DMXL2: variants seen among roughly 807,000 people sequenced by gnomAD.
DMXL2 encodes Dmx like 2.
A neutral mutation model predicts 331.1 loss-of-function variants in DMXL2; 103 were observed. The observed-to-expected ratio is 0.31, with a 90% CI of 0.27 to 0.37. DMXL2 has a LOEUF of 0.37. DMXL2 is among the 10% of genes least tolerant of loss of function. The pLI is 1.00. For synonymous variants in DMXL2, 1,281 were observed against 1,252.1 expected, an observed-to-expected ratio of 1.02 and a Z score of -0.49; for missense variants, 3,171 against 3,642.9, an observed-to-expected ratio of 0.87 and a Z score of 3.33.
intron 3 of DMXL2, among the ~76,000 whole-genome samples, chr15:51,566,144 G>A (rs979840429): frequency 6.6e-6 from 1 of 151,938 alleles, no homozygotes; most frequent in Non-Finnish European, 1.5e-5. Flanking sequence ...ATGAGTTTGA[G>A]GTTATAGTGA....
chr15:51,538,449 A>G lies in DMXL2; in HGVS notation c.1109T>C (p.Ile370Thr), dbSNP rs538061145. ...IAASINPATD[I>T]PNVLVGTAFN... Reference sequence around the variant, plus strand: ...TGCAGTGCCAACCAAGACATTTGGAATATCTGTGGAAATAAAAGAGATTTC... The same window carrying G: ...TGCAGTGCCAACCAAGACATTTGGAGTATCTGTGGAAATAAAAGAGATTTC... The change falls in exon 10 of 44, where the codon ATT (isoleucine) becomes ACT (threonine). Residue 370 changes from isoleucine to threonine, a missense_variant. Transcript: ENST00000560891. The G allele has an allele frequency of 3.2e-6, 5 of 1,582,968 alleles. No individual in the cohort carries two copies. Among genetic ancestry groups the G allele is most frequent in the East Asian group, 4.5e-5 (2 of 44,560 alleles).
At chr15:51,605,630 G>A (rs1455087758) in intron 1 of DMXL2, among the ~76,000 whole-genome samples, 2 of 57,684 alleles carry the variant, frequency 3.5e-5, no homozygotes, top group African/African-American at 1.1e-4. Context: ...TGCAAGCTCC[G>A]CTTCCCGGGT....
intron 33 of DMXL2, 65 bp downstream of exon 33, chr15:51,463,314 T>C (rs1421570536): frequency 8.6e-6 from 9 of 1,047,082 alleles, no homozygotes; most frequent in Non-Finnish European, 1.3e-5. Flanking sequence ...CAAGCACTGA[T>C]TTCCTTAGAA....
Position 51,481,634 on chromosome 15 carries a change from CAA to C in DMXL2, c.5483-13_5483-12del. 6.6e-7 allele frequency: 1 copy of C among 1,520,004 alleles called. No homozygotes were observed. The highest frequency in any genetic ancestry group is 8.8e-7 in the Non-Finnish European group (1 of 1,135,450). The allele number at this position is 1,520,004 out of a possible 1,614,324, so 94.2% of individuals were successfully genotyped here. On this transcript the variant is annotated splice_polypyrimidine_tract_variant and intron_variant, in intron 23 of 43. Coordinates refer to ENST00000560891, the MANE Select transcript of DMXL2 (RefSeq NM_001378457.1). ...AAGACTTGATGATAACTATAGAAAT[CAA>C]ACAGATAAAATCACAAAGCATTGTG... is the stretch of plus-strand genomic sequence containing the variant.
intron 1 of DMXL2, among the ~76,000 whole-genome samples, chr15:51,589,617 A>T (rs1441368439): frequency 6.6e-6 from 1 of 152,214 alleles, no homozygotes; most frequent in East Asian, 1.9e-4. Context: ...GATAGCAGTT[A>T]CTAAAGTTAT....
intron 13 of DMXL2, among the ~76,000 whole-genome samples, chr15:51,520,872 A>G (rs1198330700): frequency 6.6e-6 from 1 of 152,116 alleles, no homozygotes; most frequent in Non-Finnish European, 1.5e-5. Context: ...AAATAAATAA[A>G]TAAATACATA....
intron 2 of DMXL2, among the ~76,000 whole-genome samples, chr15:51,574,565 C>G (rs190962197): frequency 6.6e-6 from 1 of 152,010 alleles, no homozygotes; most frequent in African/African-American, 2.4e-5. Context: ...ATGACACTTA[C>G]GCAAAAAGTG....
chr15:51,581,000 G>A (rs1188519468), intron 1 of DMXL2, among the ~76,000 whole-genome samples: 7 of 152,234 alleles, frequency 4.6e-5, no homozygotes, highest in Admixed American at 1.3e-4. Context: ...AAAGTTGTGC[G>A]AATGTGTTTC....
chr15:51,455,377 G>T, intron 39 of DMXL2, 149 bp from the exon 40 acceptor site: 1 of 709,658 alleles, frequency 1.4e-6, no homozygotes, highest in Non-Finnish European at 2.3e-6. Flanking sequence ...AAGTCCAAGT[G>T]CTAAAAAATT....
intron 17 of DMXL2, among the ~76,000 whole-genome samples, chr15:51,500,703 G>A (rs367576385): frequency 1.8e-4 from 28 of 152,196 alleles, no homozygotes; most frequent in African/African-American, 6.5e-4. Context: ...ACCCCAGGTG[G>A]TACACCAAAT....
At position 51,456,049 on chromosome 15, in the gene DMXL2, A is replaced by T. The variant is rs1388269245; in HGVS notation, c.8526+17T>A. 4 of 1,613,000 alleles carry T rather than the reference A, an allele frequency of 2.5e-6. No individual in the cohort carries two copies. Among genetic ancestry groups the T allele is most frequent in the African/African-American group, 1.3e-5 (1 of 75,024 alleles). On this transcript the variant is annotated intron_variant, in intron 39 of 43. Coordinates refer to ENST00000560891, the MANE Select transcript of DMXL2 (RefSeq NM_001378457.1). ...ACTATTTTCAGATGAATTCAGCAGT[A>T]GCCCCCAGAAACTAACCTTGTTGCC...
chr15:51,476,791 AT>A, intron 26 of DMXL2, 72 bp from the exon 27 acceptor site: 1 of 1,247,700 alleles, frequency 8.0e-7, no homozygotes, highest in Non-Finnish European at 1.1e-6. Flanking sequence ...TATATCATCT[AT>A]TTTAGACACC....
chr15:51,523,216 C>T (rs193018062), intron 13 of DMXL2, among the ~76,000 whole-genome samples: 38 of 152,222 alleles, frequency 2.5e-4, no homozygotes, highest in African/African-American at 9.2e-4. Context: ...AAAATCAAAA[C>T]GATGAGCAGA....
intron 15 of DMXL2, 43 bp from the exon 16 acceptor site, chr15:51,507,296 A>ATGC: frequency 6.4e-7 from 1 of 1,557,656 alleles, no homozygotes; most frequent in South Asian, 1.2e-5. Context: ...GTATGTTTTT[A>ATGC]TGGGGTTAAA....
At position 51,622,466 on chromosome 15, in the gene DMXL2, G is replaced by A. The variant is rs553772073; in HGVS notation, c.80C>T (p.Pro27Leu). ...CYSVGSVGDV[P>L]FTAYGSGCDI... ...CTCCCGGCCGCCGCTCACCGTGAAG[G>A]GGACATCCCCGACGCTGCCCACGGA... Residue 27 changes from proline to leucine, a missense_variant, in exon 1 of 44, where the codon CCC becomes CTC. Transcript: ENST00000560891. 3 of 1,563,950 alleles carry A rather than the reference G, an allele frequency of 1.9e-6. No homozygotes were observed. Among genetic ancestry groups the A allele is most frequent in the African/African-American group, 2.7e-5 (2 of 73,612 alleles).
At chr15:51,526,926 C>A (rs945033533) in intron 13 of DMXL2, among the ~76,000 whole-genome samples, 1 of 152,072 alleles carries the variant, frequency 6.6e-6, no homozygotes. Context: ...CTAAGAGTCA[C>A]TGACCTTAAA....
chr15:51,535,386 G>C (rs923735340), intron 13 of DMXL2, among the ~76,000 whole-genome samples: 1 of 151,976 alleles, frequency 6.6e-6, no homozygotes, highest in African/African-American at 2.4e-5. Flanking sequence ...AAACTAGAGA[G>C]TAAAATATGT....
At chr15:51,498,119 G>A (rs1490652493) in intron 18 of DMXL2, among the ~76,000 whole-genome samples, 1 of 152,044 alleles carries the variant, frequency 6.6e-6, no homozygotes, top group Non-Finnish European at 1.5e-5. Flanking sequence ...GCACACCTGT[G>A]GTCCCGGCTA....
At chr15:51,617,991 G>C (rs1242369833) in intron 1 of DMXL2, among the ~76,000 whole-genome samples, 1 of 152,132 alleles carries the variant, frequency 6.6e-6, no homozygotes, top group Non-Finnish European at 1.5e-5. Context: ...AAACAAACAA[G>C]AAGCTACACT....
Sources: gnomAD v4.1 joint callset for allele counts (sites outside exome capture counted in the v4.1 genomes callset) on GRCh38, gnomAD v4.1.1 for gene constraint, MANE v1.5 for transcripts, NCBI Gene and HGNC (gene_info 2026-07-23, HGNC 2026-07-21) for gene names.